The following HSDL2 variants were observed in gnomAD, a reference collection of about 807,000 sequenced individuals.
HSDL2 encodes the protein hydroxysteroid dehydrogenase like 2, also known as hydroxysteroid dehydrogenase-like protein 2.
A neutral mutation model predicts 46.3 loss-of-function variants in HSDL2; 27 were observed. That is an observed-to-expected ratio of 0.58 (90% CI 0.43 to 0.80). HSDL2 has a LOEUF of 0.80. HSDL2 is among the 30% of genes least tolerant of loss of function. HSDL2 has a pLI of 0.00. For synonymous variants in HSDL2, 153 were observed against 163.6 expected (o/e 0.94, Z 0.50); for missense variants, 451 against 502.7 (o/e 0.90, Z 0.98).
intron 2 of HSDL2, among the ~76,000 whole-genome samples, chr9:112,405,299 C>G (rs1831700558): frequency 1.3e-5 from 2 of 152,170 alleles, no homozygotes; most frequent in African/African-American, 4.8e-5. Context: ...CTGCAGTGAG[C>G]TGTGTTTGTG....
intron 1 of HSDL2, among the ~76,000 whole-genome samples, chr9:112,400,061 G>A (rs1024728106): frequency 2.0e-5 from 3 of 152,126 alleles, no homozygotes; most frequent in African/African-American, 4.8e-5. Flanking sequence ...CCTCTTCCGC[G>A]GCTCCAGCTG....
chr9:112,460,948 G>A (rs554243282), intron 10 of HSDL2, among the ~76,000 whole-genome samples: 2 of 152,150 alleles, frequency 1.3e-5, no homozygotes, highest in South Asian at 2.1e-4. Flanking sequence ...ATTTGTATGT[G>A]TGTGTTAGTG....
At chr9:112,384,155 A>T (rs1831170304) in intron 1 of HSDL2, among the ~76,000 whole-genome samples, 1 of 152,148 alleles carries the variant, frequency 6.6e-6, no homozygotes, top group African/African-American at 2.4e-5. Flanking sequence ...AGTTTTTTGG[A>T]AACAGTTGTT....
At chr9:112,381,098 C>CACACACACACACACAA (rs1564097757) in intron 1 of HSDL2, among the ~76,000 whole-genome samples, 1 of 151,446 alleles carries the variant, frequency 6.6e-6, no homozygotes, top group African/African-American at 2.4e-5. Context: ...TACACACACA[C>CACACACACACACACAA]ACACACACAC....
At chr9:112,399,141 G>T (rs1280436233) in intron 1 of HSDL2, among the ~76,000 whole-genome samples, 1 of 152,200 alleles carries the variant, frequency 6.6e-6, no homozygotes, top group Non-Finnish European at 1.5e-5. Flanking sequence ...TCTATTTTCT[G>T]TGTCAGCTAG....
At chr9:112,400,366 T>C (rs539013063) in intron 1 of HSDL2, among the ~76,000 whole-genome samples, 28 of 152,272 alleles carry the variant, frequency 1.8e-4, no homozygotes, top group Non-Finnish European at 3.4e-4. Flanking sequence ...CCCAACACTT[T>C]GGGAGGCCGA....
intron 1 of HSDL2, among the ~76,000 whole-genome samples, chr9:112,381,094 C>CACACACACACACACACACAA (rs1831080973): frequency 2.9e-5 from 4 of 136,420 alleles, no homozygotes; most frequent in African/African-American, 8.3e-5. Context: ...CGGATACACA[C>CACACACACACACACACACAA]ACACACACAC....
At position 112,467,875 on chromosome 9, in the gene HSDL2, A is replaced by C. The variant is rs117738932; in HGVS notation, c.1145-2557A>C. On this transcript the variant is annotated intron_variant, in intron 10 of 10. Transcript: ENST00000398805. ...CCTGCTACACAGCTGTTGTCCTAGA[A>C]ATTTAACTCTCTCCTGCACTGAATC... Among the ~76,000 whole-genome samples, 92 of 152,276 alleles carry C rather than the reference A, an allele frequency of 6.0e-4. 2 individuals carry two copies. In the East Asian group the frequency reaches 0.016, roughly 27 times the overall value.
At position 112,470,551 on chromosome 9, in the gene HSDL2, A is replaced by G; in HGVS notation, c.*7A>G. On this transcript the variant is annotated 3_prime_UTR_variant, in exon 11 of 11. Coordinates refer to ENST00000398805, the MANE Select transcript of HSDL2 (RefSeq NM_032303.5). The stretch of plus-strand genomic sequence containing the variant: ...GATGAATGCCAGACTGTGAAGGAAA[A>G]TATAAAAAAAAAGTCGACTGCTATG... 6.5e-7 allele frequency: 1 copy of G among 1,527,660 alleles called. No individual in the cohort carries two copies. Among genetic ancestry groups the G allele is most frequent in the Non-Finnish European group, 9.0e-7 (1 of 1,116,780 alleles). 94.6% of individuals were successfully genotyped at this position (1,527,660 alleles called of 1,614,324 possible).
intron 3 of HSDL2, among the ~76,000 whole-genome samples, chr9:112,407,484 G>A (rs978647161): frequency 6.6e-6 from 1 of 151,800 alleles, no homozygotes. Flanking sequence ...TGGCATGATC[G>A]TGGCTCACCA....
chr9:112,469,577 C>G (rs540490776), intron 10 of HSDL2: 1 of 141,850 alleles, frequency 7.0e-6, no homozygotes, highest in Non-Finnish European at 1.5e-5. Flanking sequence ...GTGGGAGGTT[C>G]AGATGAGCCT....
At chr9:112,397,972 C>T (rs986671728) in intron 1 of HSDL2, among the ~76,000 whole-genome samples, 2 of 152,108 alleles carry the variant, frequency 1.3e-5, no homozygotes, top group Non-Finnish European at 2.9e-5. Context: ...CCACTTGTTT[C>T]TTTTTTCTGG....
chr9:112,453,014 A>G (rs7028116), intron 8 of HSDL2, among the ~76,000 whole-genome samples: 144,990 of 152,026 alleles, frequency 0.95, 69,199 homozygotes, highest in South Asian at 0.98. Flanking sequence ...TAAGTGAGAC[A>G]GGGAGAAGAA....
chr9:112,464,622 A>AT (rs1274041771), intron 10 of HSDL2, among the ~76,000 whole-genome samples: 2 of 152,104 alleles, frequency 1.3e-5, no homozygotes, highest in African/African-American at 4.8e-5. Context: ...TGTAGCTGGG[A>AT]TTTTTTGTAG....
At chr9:112,416,608 C>T (rs1482990971) in intron 4 of HSDL2, among the ~76,000 whole-genome samples, 3 of 120,402 alleles carry the variant, frequency 2.5e-5, no homozygotes, top group South Asian at 5.5e-4. Context: ...AAAAAAAGTA[C>T]AGAAATTAGC....
chr9:112,387,472 T>C (rs537205146), intron 1 of HSDL2, among the ~76,000 whole-genome samples: 2 of 152,256 alleles, frequency 1.3e-5, no homozygotes, highest in African/African-American at 4.8e-5. Context: ...TGCCCACCTC[T>C]GCCTCCCAAA....
chr9:112,453,395 TTTTA>T (rs1832935560), intron 8 of HSDL2, among the ~76,000 whole-genome samples: 2 of 152,268 alleles, frequency 1.3e-5, no homozygotes, highest in South Asian at 4.2e-4. Context: ...GGTCTGTTTC[TTTTA>T]TTTATTTTTT....
chr9:112,381,545 G>A (rs1263008609), intron 1 of HSDL2, among the ~76,000 whole-genome samples: 1 of 152,028 alleles, frequency 6.6e-6, no homozygotes, highest in Non-Finnish European at 1.5e-5. Context: ...TAGTACAGAC[G>A]GGGTTTCACC....
intron 1 of HSDL2, among the ~76,000 whole-genome samples, chr9:112,390,206 A>G (rs1349440950): frequency 6.6e-6 from 1 of 152,138 alleles, no homozygotes; most frequent in Non-Finnish European, 1.5e-5. Context: ...AGTTATTAAG[A>G]CTGATAAAGC....
Sources: allele counts gnomAD v4.1 joint callset (sites outside exome capture counted in the v4.1 genomes callset), GRCh38; gene constraint gnomAD v4.1.1; transcripts MANE v1.5; gene names NCBI Gene and HGNC (gene_info 2026-07-23, HGNC 2026-07-21).